Variants in DIP2C observed in about 807,000 individuals in gnomAD.
The protein encoded by DIP2C is disco-interacting protein 2 homolog C.
A neutral mutation model predicts 192.4 loss-of-function variants in DIP2C; 33 were observed. That is an observed-to-expected ratio of 0.17 (90% CI 0.13 to 0.23). The LOEUF is 0.23. DIP2C is among the 10% of genes least tolerant of loss of function. The pLI, the probability that DIP2C is intolerant of heterozygous loss-of-function variation, is 1.00. For missense variants in DIP2C, 1,537 were observed against 2,110.1 expected (o/e 0.73, Z 5.32); for synonymous variants, 979 against 864.1 (o/e 1.13, Z -2.33).
intron 1 of DIP2C, among the ~76,000 whole-genome samples, chr10:670,361 TAC>T (rs904527896): frequency 1.3e-5 from 2 of 151,936 alleles, no homozygotes; most frequent in Admixed American, 6.5e-5. Flanking sequence ...TACATACACA[TAC>T]ACACATGCAC....
chr10:318,126 C>T (rs1336144775), intron 31 of DIP2C, among the ~76,000 whole-genome samples: 3 of 152,150 alleles, frequency 2.0e-5, no homozygotes, highest in Non-Finnish European at 2.9e-5. Context: ...GACGAGAACA[C>T]AGTGATGCTG....
intron 31 of DIP2C, among the ~76,000 whole-genome samples, chr10:326,759 C>T (rs1246889779): frequency 6.6e-6 from 1 of 151,448 alleles, no homozygotes; most frequent in African/African-American, 2.4e-5. Flanking sequence ...ACTGCTACCC[C>T]TGTCACAAAA....
Position 414,098 on chromosome 10 carries a change from T to G in DIP2C, c.872A>C (p.Asp291Ala). ...FEELLEVQQPDPNQPKPEGAQ... is the reference protein window; with the variant it reads ...FEELLEVQQPAPNQPKPEGAQ... ...CCCCTCCGGCTTTGGTTGGTTCGGATCCGGTTGTTGAACTAAATCGTTTGA... is the reference window on the plus strand; with the variant it reads ...CCCCTCCGGCTTTGGTTGGTTCGGAGCCGGTTGTTGAACTAAATCGTTTGA... Residue 291 changes from aspartate (D) to alanine (A), a missense_variant, in exon 8 of 37, where the codon GAT (aspartate) becomes GCT (alanine). Physicochemically the swap from Asp to Ala is moderately radical, Grantham distance 126. Coordinates refer to ENST00000280886, the MANE Select transcript of DIP2C (RefSeq NM_014974.3). The G allele has an allele frequency of 6.2e-7, 1 of 1,612,166 alleles. No homozygotes were observed. Among genetic ancestry groups the G allele is most frequent in the Non-Finnish European group, 8.5e-7 (1 of 1,178,436 alleles).
chr10:617,655 A>ACCCC (rs3049602), intron 1 of DIP2C, among the ~76,000 whole-genome samples: 6 of 132,326 alleles, frequency 4.5e-5, no homozygotes, highest in African/African-American at 5.6e-5. Flanking sequence ...TGTGGATACC[A>ACCCC]CCCCCCCACC....
At chr10:616,365 T>G (rs1564273717) in intron 1 of DIP2C, among the ~76,000 whole-genome samples, 2 of 152,270 alleles carry the variant, frequency 1.3e-5, no homozygotes. Context: ...AAACCAATTA[T>G]TCAAGCAAGG....
chr10:531,801 C>T (rs911792489), intron 1 of DIP2C, among the ~76,000 whole-genome samples: 4 of 152,156 alleles, frequency 2.6e-5, no homozygotes, highest in Admixed American at 2.0e-4. Flanking sequence ...GACGGGTGCC[C>T]GTGTCAAGAA....
At chr10:320,050 A>G (rs1313324795) in intron 31 of DIP2C, among the ~76,000 whole-genome samples, 1 of 152,246 alleles carries the variant, frequency 6.6e-6, no homozygotes, top group Non-Finnish European at 1.5e-5. Flanking sequence ...AGGTTGAAGA[A>G]TAGTAAACCC....
chr10:496,256 T>C (rs1455901617), intron 1 of DIP2C, among the ~76,000 whole-genome samples: 1 of 147,272 alleles, frequency 6.8e-6, no homozygotes, highest in East Asian at 2.1e-4. Context: ...AACCAATGCA[T>C]GCCCTCCCGT....
At chr10:582,222 A>T (rs1480852834) in intron 1 of DIP2C, among the ~76,000 whole-genome samples, 1 of 152,202 alleles carries the variant, frequency 6.6e-6, no homozygotes, top group Non-Finnish European at 1.5e-5. Context: ...GCTAAGCCCT[A>T]CCGGCCAGCA....
intron 1 of DIP2C, among the ~76,000 whole-genome samples, chr10:550,027 CT>C (rs1848506072): frequency 8.3e-6 from 1 of 120,700 alleles, no homozygotes; most frequent in African/African-American, 3.1e-5. Context: ...TTTTTTTTCT[CT>C]TAAGACAGTC....
At chr10:559,731 T>C (rs1447235199) in intron 1 of DIP2C, among the ~76,000 whole-genome samples, 2 of 152,112 alleles carry the variant, frequency 1.3e-5, no homozygotes, top group Admixed American at 6.5e-5. Flanking sequence ...TCTTGCACCA[T>C]GCACAAGCCC....
chr10:307,058 C>T (rs1448436162), intron 32 of DIP2C, among the ~76,000 whole-genome samples: 1 of 152,160 alleles, frequency 6.6e-6, no homozygotes, highest in Non-Finnish European at 1.5e-5. Context: ...TCCCCTCCTC[C>T]CACCACGTGA....
chr10:364,733 T>G, intron 19 of DIP2C, 151 bp from the exon 20 acceptor site: 1 of 836,914 alleles, frequency 1.2e-6, no homozygotes, highest in South Asian at 1.7e-5. Flanking sequence ...CAGTGACCGC[T>G]GGTGGCCAAC....
intron 29 of DIP2C, among the ~76,000 whole-genome samples, chr10:335,077 GCTAT>G (rs1009662370): frequency 2.4e-4 from 36 of 152,226 alleles, no homozygotes; most frequent in African/African-American, 7.5e-4. Flanking sequence ...ATGAATACAG[GCTAT>G]CTGACACAAT....
At chr10:347,737 T>C (rs1407937608) in intron 26 of DIP2C, among the ~76,000 whole-genome samples, 3 of 100,284 alleles carry the variant, frequency 3.0e-5, no homozygotes, top group African/African-American at 3.9e-5. Flanking sequence ...TCGCGCATAG[T>C]TCTCCCGGAA....
At chr10:391,919 T>C (rs574291388) in intron 10 of DIP2C, among the ~76,000 whole-genome samples, 1 of 152,178 alleles carries the variant, frequency 6.6e-6, no homozygotes, top group Non-Finnish European at 1.5e-5. Context: ...GTCTCTTAAG[T>C]GTTTAGTACT....
At chr10:589,474 G>C (rs1330022158) in intron 1 of DIP2C, among the ~76,000 whole-genome samples, 3 of 152,090 alleles carry the variant, frequency 2.0e-5, no homozygotes, top group Non-Finnish European at 2.9e-5. Flanking sequence ...TTTACATTCA[G>C]GGTTATGGTC....
chr10:450,369 A>AGGT (rs1968758720), intron 3 of DIP2C, among the ~76,000 whole-genome samples: 1 of 152,228 alleles, frequency 6.6e-6, no homozygotes, highest in Non-Finnish European at 1.5e-5. Flanking sequence ...TCACTTCTAC[A>AGGT]GATTTAAGAT....
At chr10:554,090 G>A (rs570455656) in intron 1 of DIP2C, among the ~76,000 whole-genome samples, 1 of 152,212 alleles carries the variant, frequency 6.6e-6, no homozygotes, top group East Asian at 1.9e-4. Flanking sequence ...AAAAGGTATA[G>A]CTTGTAACTA....
Sources: allele counts gnomAD v4.1 joint callset (sites outside exome capture counted in the v4.1 genomes callset), GRCh38; gene constraint gnomAD v4.1.1; transcripts MANE v1.5; gene names NCBI Gene and HGNC (gene_info 2026-07-23, HGNC 2026-07-21).